The following SNX29 variants were observed in gnomAD, a reference collection of about 807,000 sequenced individuals.
SNX29 encodes sorting nexin-29.
Under a neutral mutation model 102.1 loss-of-function variants are expected in SNX29, and 78 were observed. That is an observed-to-expected ratio of 0.76 (90% confidence interval 0.64 to 0.92). The LOEUF is 0.92. Ranked by LOEUF, SNX29 falls within the 40% of genes least tolerant of loss-of-function variation. The pLI is 0.00. For missense variants in SNX29, 1,280 were observed against 1,061.7 expected (o/e 1.21, Z -2.86); for synonymous variants, 580 against 414.5 (o/e 1.40, Z -4.85).
chr16:12,353,400 G>T (rs2082044437), intron 15 of SNX29, among the ~76,000 whole-genome samples: 1 of 150,702 alleles, frequency 6.6e-6, no homozygotes, highest in African/African-American at 2.5e-5. Context: ...TGCCCCAGAT[G>T]TGCTGCCAAG....
chr16:12,284,428 C>T (rs1489881212), intron 15 of SNX29, among the ~76,000 whole-genome samples: 1 of 152,232 alleles, frequency 6.6e-6, no homozygotes, highest in Non-Finnish European at 1.5e-5. Context: ...TTCTCCCCTC[C>T]ATCCTGACTT....
At position 12,572,181 on chromosome 16, in the gene SNX29, G is replaced by C. The variant is rs531015150; in HGVS notation, c.*3552G>C. 2.6e-5 allele frequency: 25 copies of C among 972,536 alleles called. No individual in the cohort carries two copies. In the African/African-American group the frequency reaches 4.1e-4, roughly 16 times the overall value. 60.2% of individuals were successfully genotyped at this position (972,536 alleles called of 1,614,324 possible). A position where few individuals can be genotyped will look rare whatever the true frequency, so the allele number is the denominator to read the frequency against. On this transcript the variant is annotated 3_prime_UTR_variant, in exon 21 of 21. Transcript: ENST00000566228. Reference sequence around the variant, plus strand: ...ATTTTGATAACCATGTAATTTCTTAGAACCATGGCAGGTAGTATTGTGCTT... The same window carrying C: ...ATTTTGATAACCATGTAATTTCTTACAACCATGGCAGGTAGTATTGTGCTT...
chr16:12,539,239 C>T (rs1280669134), intron 20 of SNX29, among the ~76,000 whole-genome samples: 1 of 152,140 alleles, frequency 6.6e-6, no homozygotes. Context: ...GTTCCTTCAC[C>T]CTAAAAAGCT....
chr16:12,139,355 G>T (rs56225320), intron 13 of SNX29, among the ~76,000 whole-genome samples: 30,075 of 152,074 alleles, frequency 0.2, 3,440 homozygotes, highest in Middle Eastern at 0.29. Context: ...TGTCATCCAC[G>T]CACTGCCTGT....
At chr16:12,235,374 C>T (rs925001051) in intron 14 of SNX29, among the ~76,000 whole-genome samples, 8 of 152,046 alleles carry the variant, frequency 5.3e-5, no homozygotes, top group African/African-American at 9.7e-5. Context: ...CCTGGGCCTG[C>T]GGTACTTAAT....
Position 12,007,085 on chromosome 16 carries a change from C to G in SNX29, c.122+4042C>G, listed in dbSNP as rs151220015. Among the ~76,000 whole-genome samples the G allele has an allele frequency of 1.4e-3, 210 of 152,248 alleles. 1 individual carries two copies. Among genetic ancestry groups the G allele is most frequent in the African/African-American group, 4.9e-3 (203 of 41,538 alleles). On this transcript the variant is annotated intron_variant, in intron 3 of 20. Transcript: ENST00000566228. ...GCTGAGTTTAAAAAAAAAAATTATT[C>G]TCCTCTACCTCAGTGGGATTCCTTC... is the stretch of plus-strand genomic sequence containing the variant.
intron 20 of SNX29, among the ~76,000 whole-genome samples, chr16:12,563,763 A>C (rs1293854925): frequency 6.6e-6 from 1 of 152,090 alleles, no homozygotes; most frequent in African/African-American, 2.4e-5. Context: ...CAACTTCTCC[A>C]CCCTTGTCTG....
At chr16:12,112,174 A>G (rs975338701) in intron 11 of SNX29, among the ~76,000 whole-genome samples, 9 of 152,116 alleles carry the variant, frequency 5.9e-5, no homozygotes, top group Admixed American at 5.9e-4. Flanking sequence ...CGTAGAAGAC[A>G]GGGTCGGGGT....
intron 16 of SNX29, among the ~76,000 whole-genome samples, chr16:12,366,290 C>G (rs1475162526): frequency 6.6e-6 from 1 of 152,098 alleles, no homozygotes; most frequent in Non-Finnish European, 1.5e-5. Flanking sequence ...AAATTATTTC[C>G]CCAAGGAACA....
At chr16:12,517,471 G>A (rs1247059132) in intron 19 of SNX29, among the ~76,000 whole-genome samples, 2 of 152,204 alleles carry the variant, frequency 1.3e-5, no homozygotes, top group Non-Finnish European at 2.9e-5. Context: ...AGGCCAGTCT[G>A]TCCACTCCAC....
chr16:11,998,834 T>C (rs1009798406), intron 1 of SNX29, among the ~76,000 whole-genome samples: 2 of 152,018 alleles, frequency 1.3e-5, no homozygotes, highest in African/African-American at 2.4e-5. Flanking sequence ...AAAAGGATGT[T>C]GGAGATGATA....
chr16:12,282,675 G>T (rs1302127073), intron 15 of SNX29, among the ~76,000 whole-genome samples: 1 of 152,154 alleles, frequency 6.6e-6, no homozygotes, highest in Non-Finnish European at 1.5e-5. Flanking sequence ...TGTTTTTTGA[G>T]ATGGAGTTTT....
At chr16:12,559,770 A>C (rs1218513528) in intron 20 of SNX29, among the ~76,000 whole-genome samples, 1 of 152,112 alleles carries the variant, frequency 6.6e-6, no homozygotes, top group Non-Finnish European at 1.5e-5. Context: ...GTCACTCTGA[A>C]AGCATTACAC....
intron 18 of SNX29, among the ~76,000 whole-genome samples, chr16:12,417,881 G>A (rs1388735005): frequency 6.6e-6 from 1 of 152,098 alleles, no homozygotes; most frequent in Non-Finnish European, 1.5e-5. Context: ...AGCGCTGTAT[G>A]CCGACAGCGA....
In SNX29 at chr16:12,572,436, C is replaced by G. The variant is rs1324875423; in HGVS notation, c.*3807C>G. On this transcript the variant is annotated 3_prime_UTR_variant, in exon 21 of 21. Coordinates refer to ENST00000566228, the MANE Select transcript of SNX29 (RefSeq NM_032167.5). ...TGGCCCAGGCCGGCAGTGGCTGCCT[C>G]TCTTGGTTCTGCATGGTACATTTTG... 3.3e-5 allele frequency: 35 copies of G among 1,063,576 alleles called. No homozygotes were observed. The highest frequency in any genetic ancestry group is 1.0e-4 in the East Asian group (2 of 19,906). The allele number at this position is 1,063,576 out of a possible 1,614,324, so 65.9% of individuals were successfully genotyped here. A position where few individuals can be genotyped will look rare whatever the true frequency, so the allele number is the denominator to read the frequency against.
intron 1 of SNX29, among the ~76,000 whole-genome samples, chr16:11,991,611 C>T (rs189097395): frequency 8.6e-5 from 13 of 151,552 alleles, no homozygotes; most frequent in South Asian, 4.2e-4. Flanking sequence ...GGTGTGATCT[C>T]GGCTCACTGC....
intron 13 of SNX29, among the ~76,000 whole-genome samples, chr16:12,129,973 G>A (rs908748243): frequency 9.9e-5 from 15 of 151,462 alleles, no homozygotes; most frequent in South Asian, 2.1e-4. Flanking sequence ...GTGTGGTGGC[G>A]GGTGCCTGTA....
chr16:12,377,203 G>C (rs918565895), intron 16 of SNX29, among the ~76,000 whole-genome samples: 1 of 152,214 alleles, frequency 6.6e-6, no homozygotes, highest in South Asian at 2.1e-4. Context: ...CTGTAAAACA[G>C]GGTGTAGTAT....
Position 12,572,715 on chromosome 16 carries a change from G to A in SNX29, c.*4086G>A, listed in dbSNP as rs1217976130. ...ACTCCAGCAGCATCTTCCAGCCTTG[G>A]CACAGAACTGATGGCAAAGGAAGGG... On this transcript the variant is annotated 3_prime_UTR_variant, in exon 21 of 21. Transcript: ENST00000566228. The A allele has an allele frequency of 3.8e-6, 4 of 1,063,622 alleles. No homozygotes were observed. The highest frequency in any genetic ancestry group is 3.4e-6 in the Non-Finnish European group (3 of 878,302). The allele number at this position is 1,063,622 out of a possible 1,614,324, so 65.9% of individuals were successfully genotyped here. A position where few individuals can be genotyped will look rare whatever the true frequency, so the allele number is the denominator to read the frequency against.
Sources: allele counts gnomAD v4.1 joint callset (sites outside exome capture counted in the v4.1 genomes callset), GRCh38; gene constraint gnomAD v4.1.1; transcripts MANE v1.5; gene names NCBI Gene and HGNC (gene_info 2026-07-23, HGNC 2026-07-21).